CACNA2D3: variants seen among roughly 807,000 people sequenced by gnomAD.
The protein encoded by CACNA2D3 is voltage-dependent calcium channel subunit alpha-2/delta-3.
In CACNA2D3, 60 loss-of-function variants were observed where a neutral mutation model predicts 160.6. The observed-to-expected ratio is 0.37, with a 90% CI of 0.30 to 0.46. The LOEUF (loss-of-function observed/expected upper bound fraction) is 0.46, where lower values mean the gene tolerates loss of function less well. Among genes scored for constraint, CACNA2D3 ranks in the 20% least tolerant of loss-of-function variants. CACNA2D3 has a pLI of 1.00. For missense variants in CACNA2D3, 1,205 were observed against 1,365.0 expected (o/e 0.88, Z 1.85); for synonymous variants, 558 against 492.9 (o/e 1.13, Z -1.75).
At chr3:54,449,869 G>T (rs1700278817) in intron 4 of CACNA2D3, among the ~76,000 whole-genome samples, 1 of 152,072 alleles carries the variant, frequency 6.6e-6, no homozygotes, top group African/African-American at 2.4e-5. Flanking sequence ...CCAGTGTCAG[G>T]TATTTATAGC....
intron 11 of CACNA2D3, among the ~76,000 whole-genome samples, chr3:54,733,609 G>A (rs914264506): frequency 6.6e-6 from 1 of 152,180 alleles, no homozygotes. Flanking sequence ...TTTACAGAGA[G>A]AAATCAGGTA....
chr3:54,777,559 G>A (rs1171792943), intron 13 of CACNA2D3, among the ~76,000 whole-genome samples: 1 of 152,136 alleles, frequency 6.6e-6, no homozygotes, highest in Non-Finnish European at 1.5e-5. Context: ...CTAAAAATCT[G>A]GAACATCAAC....
At chr3:54,209,476 C>A (rs1315377924) in intron 2 of CACNA2D3, among the ~76,000 whole-genome samples, 1 of 152,180 alleles carries the variant, frequency 6.6e-6, no homozygotes, top group Non-Finnish European at 1.5e-5. Flanking sequence ...TATCCCTGTA[C>A]CGATTCTGTA....
chr3:54,336,995 C>A (rs1238021734), intron 3 of CACNA2D3, among the ~76,000 whole-genome samples: 1 of 151,984 alleles, frequency 6.6e-6, no homozygotes. Flanking sequence ...CAAGATGGGG[C>A]CTTGCATGGA....
At chr3:54,273,630 C>T (rs1702670112) in intron 2 of CACNA2D3, among the ~76,000 whole-genome samples, 1 of 152,166 alleles carries the variant, frequency 6.6e-6, no homozygotes, top group Admixed American at 6.5e-5. Flanking sequence ...AGCAATCTCA[C>T]AACACGGACA....
chr3:54,735,998 T>TATATATGTATGTATATATATACACATAC lies in CACNA2D3; in HGVS notation c.1168-16595_1168-16594insGTATGTATATATATACACATACATATAT, dbSNP rs1559563399. Among the ~76,000 whole-genome samples the TATATATGTATGTATATATATACACATAC allele has an allele frequency of 1.8e-5, 2 of 111,230 alleles. 1 individual carries two copies. The highest frequency in any genetic ancestry group is 8.1e-5 in the African/African-American group (2 of 24,598). 73.0% of individuals were successfully genotyped at this position (111,230 alleles called of 152,430 possible). A position where few individuals can be genotyped will look rare whatever the true frequency, so the allele number is the denominator to read the frequency against. ...CCATGCATGTATATATATATACATA[T>TATATATGTATGTATATATATACACATAC]ATATATATGTATATATATACACATA... On this transcript the variant is annotated intron_variant, in intron 11 of 37. Transcript: ENST00000474759.
chr3:54,798,998 C>T (rs370874575), intron 13 of CACNA2D3, among the ~76,000 whole-genome samples: 2 of 152,256 alleles, frequency 1.3e-5, no homozygotes, highest in African/African-American at 4.8e-5. Flanking sequence ...TTTTTTTAAT[C>T]AAAACATGTC....
intron 3 of CACNA2D3, among the ~76,000 whole-genome samples, chr3:54,383,972 A>G (rs1699147526): frequency 6.6e-6 from 1 of 152,224 alleles, no homozygotes; most frequent in Admixed American, 6.5e-5. Context: ...ATACATATAT[A>G]TACATATACA....
At chr3:54,464,248 C>G (rs555894595) in intron 4 of CACNA2D3, among the ~76,000 whole-genome samples, 2 of 152,348 alleles carry the variant, frequency 1.3e-5, no homozygotes, top group South Asian at 4.1e-4. Context: ...AGGAGGCAGT[C>G]TGCCCCTTCT....
At chr3:55,023,419 A>C (rs1703502282) in intron 35 of CACNA2D3, among the ~76,000 whole-genome samples, 1 of 152,038 alleles carries the variant, frequency 6.6e-6, no homozygotes, top group South Asian at 2.1e-4. Context: ...ATTTCTAGAC[A>C]TTTCATTTGC....
intron 13 of CACNA2D3, among the ~76,000 whole-genome samples, chr3:54,800,744 C>T (rs1702966340): frequency 6.6e-6 from 1 of 152,156 alleles, no homozygotes; most frequent in South Asian, 2.1e-4. Flanking sequence ...ACTACTAGAA[C>T]AAAAACTCCA....
intron 5 of CACNA2D3, among the ~76,000 whole-genome samples, chr3:54,518,143 T>C (rs1701583846): frequency 6.6e-6 from 1 of 152,188 alleles, no homozygotes; most frequent in South Asian, 2.1e-4. Context: ...AATTTTCCCC[T>C]GCTAAATGCA....
At chr3:54,689,651 C>CT (rs1412845545) in intron 11 of CACNA2D3, among the ~76,000 whole-genome samples, 2 of 152,036 alleles carry the variant, frequency 1.3e-5, no homozygotes, top group Non-Finnish European at 2.9e-5. Flanking sequence ...CTTGAAGACT[C>CT]TTTCTCTCTT....
intron 2 of CACNA2D3, among the ~76,000 whole-genome samples, chr3:54,289,201 CA>C (rs1467058666): frequency 2.0e-5 from 3 of 152,186 alleles, no homozygotes; most frequent in Non-Finnish European, 4.4e-5. Context: ...TAAGCAACTT[CA>C]GCAAAGTCTC....
intron 9 of CACNA2D3, among the ~76,000 whole-genome samples, chr3:54,624,621 G>A (rs889713206): frequency 2.6e-5 from 4 of 152,040 alleles, no homozygotes; most frequent in East Asian, 1.9e-4. Context: ...AGACTACTCC[G>A]TCTCAAGAAA....
intron 11 of CACNA2D3, among the ~76,000 whole-genome samples, chr3:54,712,417 C>T (rs750132998): frequency 2.0e-5 from 3 of 152,072 alleles, no homozygotes; most frequent in Non-Finnish European, 4.4e-5. Flanking sequence ...TGGGAGGGAC[C>T]TGGTGGGAAG....
At chr3:54,244,541 T>G (rs143707727) in intron 2 of CACNA2D3, among the ~76,000 whole-genome samples, 1,944 of 152,280 alleles carry the variant, frequency 0.013, 36 homozygotes, top group African/African-American at 0.043. Context: ...CCTCTTGATC[T>G]GGGGTAATGC....
intron 11 of CACNA2D3, among the ~76,000 whole-genome samples, chr3:54,707,630 A>G (rs1015471487): frequency 6.6e-6 from 1 of 152,122 alleles, no homozygotes; most frequent in African/African-American, 2.4e-5. Flanking sequence ...GAGTGTGGCT[A>G]ATGTCTCCAA....
chr3:54,305,900 A>C (rs963061179), intron 2 of CACNA2D3, among the ~76,000 whole-genome samples: 2 of 152,178 alleles, frequency 1.3e-5, no homozygotes, highest in Non-Finnish European at 2.9e-5. Flanking sequence ...CTGTGATGTC[A>C]TGGTTGATGT....
Sources: allele counts gnomAD v4.1 joint callset (sites outside exome capture counted in the v4.1 genomes callset), GRCh38; gene constraint gnomAD v4.1.1; transcripts MANE v1.5; gene names NCBI Gene and HGNC (gene_info 2026-07-23, HGNC 2026-07-21).